The following THSD7B variants were observed in gnomAD, a reference collection of about 807,000 sequenced individuals.
THSD7B encodes thrombospondin type 1 domain containing 7B.
In THSD7B, 138 loss-of-function variants were observed where a neutral mutation model predicts 213.6. That is an observed-to-expected ratio of 0.65 (90% CI 0.56 to 0.74). The LOEUF is 0.74. Among genes scored for constraint, THSD7B ranks in the 30% least tolerant of loss-of-function variants. The pLI is 0.00. For missense variants in THSD7B, 1,931 were observed against 1,991.5 expected (o/e 0.97, Z 0.58); for synonymous variants, 742 against 687.0 (o/e 1.08, Z -1.25).
At chr2:137,065,055 T>A (rs1055330308) in intron 3 of THSD7B, among the ~76,000 whole-genome samples, 23 of 151,964 alleles carry the variant, frequency 1.5e-4, no homozygotes, top group African/African-American at 5.6e-4. Flanking sequence ...CTGTGAAAAA[T>A]ATTATTGATA....
At chr2:137,623,779 G>C (rs1033717879) in intron 20 of THSD7B, among the ~76,000 whole-genome samples, 6 of 152,206 alleles carry the variant, frequency 3.9e-5, no homozygotes, top group Non-Finnish European at 7.3e-5. Context: ...CAAGGGATGT[G>C]AAGGACCTCT....
At chr2:137,249,786 G>A (rs530388332) in intron 10 of THSD7B, among the ~76,000 whole-genome samples, 5 of 152,304 alleles carry the variant, frequency 3.3e-5, no homozygotes, top group East Asian at 1.9e-4. Flanking sequence ...CCACGACAAC[G>A]AGCTACTTGC....
rs1418772899 is a variant in THSD7B at position 137,315,216 on chromosome 2, G to GT, written c.2500+39196dup. Among the ~76,000 whole-genome samples the GT allele has an allele frequency of 7.9e-5, 12 of 152,310 alleles. No individual in the cohort carries two copies. The South Asian group carries it at 2.5e-3, about 32-fold the overall frequency. ...GCGGGATATAATCTCCTGGTGCGCT[G>GT]TTTTTTAAGCCCATCAGAAAAGCGC... On this transcript the variant is annotated intron_variant, in intron 12 of 27. Coordinates refer to ENST00000409968, the MANE Select transcript of THSD7B (RefSeq NM_001316349.2).
At chr2:137,451,374 GTAA>G (rs1020326171) in intron 15 of THSD7B, among the ~76,000 whole-genome samples, 89 of 151,562 alleles carry the variant, frequency 5.9e-4, no homozygotes, top group Middle Eastern at 3.4e-3. Flanking sequence ...TTAAATATAA[GTAA>G]TAATGTTGGG....
intron 5 of THSD7B, among the ~76,000 whole-genome samples, chr2:137,139,488 G>A (rs952251995): frequency 2.0e-5 from 3 of 152,108 alleles, no homozygotes; most frequent in Non-Finnish European, 4.4e-5. Context: ...GGAACCCCGA[G>A]GTAATATGCT....
chr2:137,275,756 T>G (rs1471358296), intron 11 of THSD7B, among the ~76,000 whole-genome samples, 167 bp from the exon 12 acceptor site: 1 of 152,166 alleles, frequency 6.6e-6, no homozygotes, highest in Non-Finnish European at 1.5e-5. Flanking sequence ...TAGAGTGGAC[T>G]ATTGTCATTC....
intron 2 of THSD7B, among the ~76,000 whole-genome samples, chr2:136,960,798 TG>T (rs1454050382): frequency 6.6e-6 from 1 of 151,916 alleles, no homozygotes; most frequent in Non-Finnish European, 1.5e-5. Flanking sequence ...TGTTTGAAAA[TG>T]TGAGACTGGG....
chr2:137,305,496 A>G (rs1429092461), intron 12 of THSD7B, among the ~76,000 whole-genome samples: 1 of 152,130 alleles, frequency 6.6e-6, no homozygotes, highest in Non-Finnish European at 1.5e-5. Flanking sequence ...AACCTTGCTT[A>G]GAAGGGTATC....
At chr2:137,554,913 C>T (rs960244726) in intron 15 of THSD7B, among the ~76,000 whole-genome samples, 5 of 152,298 alleles carry the variant, frequency 3.3e-5, no homozygotes, top group African/African-American at 4.8e-5. Flanking sequence ...GACCCAGGCT[C>T]GGAGGGTCCC....
chr2:136,943,515 CT>C (rs1421768081), intron 2 of THSD7B, among the ~76,000 whole-genome samples: 2 of 152,052 alleles, frequency 1.3e-5, no homozygotes, highest in Non-Finnish European at 2.9e-5. Flanking sequence ...TGGTCCTGGA[CT>C]TTTTTTGGTT....
chr2:137,272,063 C>G (rs1012892328), intron 10 of THSD7B, among the ~76,000 whole-genome samples: 1 of 151,936 alleles, frequency 6.6e-6, no homozygotes, highest in East Asian at 1.9e-4. Flanking sequence ...ATCTAATAAA[C>G]TAATATCCAT....
At chr2:137,106,595 A>T (rs1002739435) in intron 4 of THSD7B, among the ~76,000 whole-genome samples, 1 of 152,248 alleles carries the variant, frequency 6.6e-6, no homozygotes, top group Non-Finnish European at 1.5e-5. Flanking sequence ...AACTATCATT[A>T]GAGTGAACAG....
At chr2:137,455,761 A>G (rs1687750475) in intron 15 of THSD7B, among the ~76,000 whole-genome samples, 1 of 152,192 alleles carries the variant, frequency 6.6e-6, no homozygotes, top group Non-Finnish European at 1.5e-5. Flanking sequence ...ATATTGAAAT[A>G]CCTAATATAT....
chr2:137,535,733 G>T (rs893989754), intron 15 of THSD7B, among the ~76,000 whole-genome samples: 12 of 151,812 alleles, frequency 7.9e-5, no homozygotes, highest in African/African-American at 2.2e-4. Flanking sequence ...ACAGAGAAAT[G>T]GTTGCAGATA....
intron 14 of THSD7B, among the ~76,000 whole-genome samples, chr2:137,433,727 C>T (rs1218529259): frequency 7.0e-6 from 1 of 143,778 alleles, no homozygotes; most frequent in Non-Finnish European, 1.5e-5. Context: ...AAACACTGCT[C>T]AGTAGATGAC....
At chr2:137,443,383 G>T (rs1167609205) in intron 14 of THSD7B, among the ~76,000 whole-genome samples, 1 of 152,044 alleles carries the variant, frequency 6.6e-6, no homozygotes, top group African/African-American at 2.4e-5. Context: ...CTTTTCACAA[G>T]AATCTCTTAG....
At chr2:136,976,910 C>T (rs541626335) in intron 2 of THSD7B, among the ~76,000 whole-genome samples, 60 of 152,252 alleles carry the variant, frequency 3.9e-4, no homozygotes, top group African/African-American at 7.9e-4. Context: ...CGTGAGCCAC[C>T]GCGCCTGGCT....
chr2:137,207,425 T>A (rs908809082), intron 7 of THSD7B, among the ~76,000 whole-genome samples: 1 of 152,062 alleles, frequency 6.6e-6, no homozygotes, highest in Non-Finnish European at 1.5e-5. Flanking sequence ...TAGCAGTTAA[T>A]CAAGAACTAC....
chr2:137,219,858 G>A (rs915882048), intron 7 of THSD7B, among the ~76,000 whole-genome samples: 2 of 152,064 alleles, frequency 1.3e-5, no homozygotes, highest in Non-Finnish European at 2.9e-5. Context: ...TAATATTTCA[G>A]CCACAAGGTA....
Sources: gnomAD v4.1 joint callset for allele counts (sites outside exome capture counted in the v4.1 genomes callset) on GRCh38, gnomAD v4.1.1 for gene constraint, MANE v1.5 for transcripts, NCBI Gene and HGNC (gene_info 2026-07-23, HGNC 2026-07-21) for gene names.